Variants in RBM33 observed in about 807,000 individuals in gnomAD.
The protein encoded by RBM33 is RNA binding motif protein 33.
In RBM33, 28 loss-of-function variants were observed where a neutral mutation model predicts 132.6. The ratio of observed to expected loss-of-function variants is 0.21; its 90% CI spans 0.16 to 0.29. The LOEUF (loss-of-function observed/expected upper bound fraction) is 0.29, where lower values mean the gene tolerates loss of function less well. Among genes scored for constraint, RBM33 ranks in the 10% least tolerant of loss-of-function variants. The pLI is 1.00. For missense variants in RBM33, 1,291 were observed against 1,518.5 expected (o/e 0.85, Z 2.49); for synonymous variants, 634 against 593.0 (o/e 1.07, Z -1.01).
At chr7:155,666,758 A>G (rs1037916657) in intron 2 of RBM33, among the ~76,000 whole-genome samples, 2 of 152,080 alleles carry the variant, frequency 1.3e-5, no homozygotes, top group East Asian at 3.8e-4. Context: ...GGGACTGTTT[A>G]TATTATACTT....
In RBM33 at chr7:155,745,054, C is replaced by T. The variant is rs1049820319; in HGVS notation, c.2431C>T (p.Arg811Trp). ...AGAAATCCTGAAACAGAAGGAGTTACGGCGGCAGCAGCAGGCTGGTGCCAG... is the reference window on the plus strand; with the variant it reads ...AGAAATCCTGAAACAGAAGGAGTTATGGCGGCAGCAGCAGGCTGGTGCCAG... ...REEILKQKEL[R>W]RQQQAGARKK... The change falls in exon 14 of 18, where the codon CGG becomes TGG. Residue 811 changes from arginine to tryptophan, a missense_variant. Transcript: ENST00000401878. This position sits in a 1 kb window ranked among gnomAD's most constrained non-coding sequence, Gnocchi z 4.1. 6.2e-7 allele frequency: 1 copy of T among 1,609,280 alleles called. No individual in the cohort carries two copies. The highest frequency in any genetic ancestry group is 1.3e-5 in the African/African-American group (1 of 74,860).
At chr7:155,695,155 C>T (rs1799756105) in intron 5 of RBM33, among the ~76,000 whole-genome samples, 2 of 152,118 alleles carry the variant, frequency 1.3e-5, no homozygotes, top group South Asian at 2.1e-4. Flanking sequence ...ATTCCATGTG[C>T]GATTGGACTT....
intron 14 of RBM33, among the ~76,000 whole-genome samples, chr7:155,746,168 G>A (rs1801511010): frequency 1.3e-5 from 2 of 152,154 alleles, no homozygotes; most frequent in Non-Finnish European, 2.9e-5. Flanking sequence ...TCTTATTGTA[G>A]ATAATTTGTG....
intron 5 of RBM33, among the ~76,000 whole-genome samples, chr7:155,693,701 C>G (rs536142376): frequency 6.7e-6 from 1 of 150,034 alleles, no homozygotes; most frequent in South Asian, 2.1e-4. Flanking sequence ...ATGTGCTGGT[C>G]TTTTCCACTA....
chr7:155,689,257 CGTAGAGGTGTTTATA>C (rs1563145081), intron 5 of RBM33, among the ~76,000 whole-genome samples: 2 of 152,100 alleles, frequency 1.3e-5, no homozygotes. Context: ...AGTTTATTTG[CGTAGAGGTGTTTATA>C]GTATTCTCTG....
intron 1 of RBM33, among the ~76,000 whole-genome samples, chr7:155,656,566 A>T (rs920124086): frequency 6.6e-6 from 1 of 152,202 alleles, no homozygotes; most frequent in African/African-American, 2.4e-5. Flanking sequence ...CAAAAAACAT[A>T]TCGAGTGAGA....
At chr7:155,742,997 C>T (rs73167166) in intron 13 of RBM33, among the ~76,000 whole-genome samples, 2,815 of 152,300 alleles carry the variant, frequency 0.018, 45 homozygotes, top group Non-Finnish European at 0.028. Flanking sequence ...TTAGGCAAGT[C>T]ATGCTTTCTT....
chr7:155,697,483 A>G (rs547394750), intron 5 of RBM33, among the ~76,000 whole-genome samples: 1 of 152,246 alleles, frequency 6.6e-6, no homozygotes, highest in African/African-American at 2.4e-5. Flanking sequence ...TTATTTGATG[A>G]TGTATCAATA....
At position 155,778,656 on chromosome 7, in the gene RBM33, G is replaced by T. The variant is rs2117094731; in HGVS notation, c.*3615G>T. On this transcript the variant is annotated 3_prime_UTR_variant, in exon 18 of 18. Coordinates refer to ENST00000401878, the MANE Select transcript of RBM33 (RefSeq NM_053043.3). This position sits in a 1 kb window ranked among gnomAD's most constrained non-coding sequence, Gnocchi z 4.0. ...GTGGTGATCAGCTGGGACAGTTCAG[G>T]TAGGGCAGGTGAGGGACCCCCGAGG... is the stretch of plus-strand genomic sequence containing the variant. 1 of 152,450 alleles carries T rather than the reference G, an allele frequency of 6.6e-6. No homozygotes were observed. The highest frequency in any genetic ancestry group is 2.4e-5 in the African/African-American group (1 of 41,544). The allele number at this position is 152,450 out of a possible 1,614,324, so 9.4% of individuals were successfully genotyped here.
Position 155,774,943 on chromosome 7 carries a change from G to A in RBM33, c.3465-50G>A. The stretch of plus-strand genomic sequence containing the variant: ...TAGTTTCCTCCCACCTTGGTAGGTT[G>A]ATTGCCGATGTGCAGGGTTAGTGTC... On this transcript the variant is annotated intron_variant, in intron 17 of 17. Transcript: ENST00000401878. The surrounding 1 kb of genome is among the most constrained non-coding windows in gnomAD (Gnocchi z 4.2). 4 of 1,570,262 alleles carry A rather than the reference G, an allele frequency of 2.5e-6. No individual in the cohort carries two copies. The highest frequency in any genetic ancestry group is 3.5e-6 in the Non-Finnish European group (4 of 1,140,370).
chr7:155,728,359 C>G (rs1800853874), intron 9 of RBM33, among the ~76,000 whole-genome samples: 1 of 152,150 alleles, frequency 6.6e-6, no homozygotes, highest in African/African-American at 2.4e-5. Context: ...TTACCTCCCT[C>G]CTCACTGCCC....
intron 9 of RBM33, among the ~76,000 whole-genome samples, chr7:155,720,279 C>T (rs994819904): frequency 1.1e-4 from 17 of 152,190 alleles, no homozygotes; most frequent in Non-Finnish European, 1.9e-4. Flanking sequence ...TCCTTTAAGT[C>T]CCAAGTGCTG....
chr7:155,650,585 C>A lies in RBM33; in HGVS notation c.43+5666C>A, dbSNP rs145350087. 2.0e-4 allele frequency among the ~76,000 whole-genome samples: 31 copies of A among 152,164 alleles called. No homozygotes were observed. In the East Asian group the frequency reaches 4.6e-3, roughly 23 times the overall value. On this transcript the variant is annotated intron_variant, in intron 1 of 17. Transcript: ENST00000401878. ...GTATTTGTGTGTACATTTGTGCTAT[C>A]CTTTTATTTATGATATGTTGGTTTT...
In RBM33 at chr7:155,707,042, C is replaced by G; in HGVS notation, c.922C>G (p.Leu308Val). The change falls in exon 7 of 18, where the codon CTG (leucine) becomes GTG (valine). Residue 308 changes from leucine to valine, a missense_variant. This residue lies in a region of RBM33 where 146 missense variants were observed against 137.1 expected (regional missense o/e 1.07). Transcript: ENST00000401878. ...CAGGATGAAGGACCACAGACCTGCG[C>G]TGCTTCCTACACAGCCTCCTGTCGT... ...RGRMKDHRPALLPTQPPVVPQ... is the reference protein window; with the variant it reads ...RGRMKDHRPAVLPTQPPVVPQ... 1 of 1,560,026 alleles carries G rather than the reference C, an allele frequency of 6.4e-7. No homozygotes were observed. Among genetic ancestry groups the G allele is most frequent in the Non-Finnish European group, 8.7e-7 (1 of 1,152,188 alleles).
chr7:155,739,142 A>T (rs1217383108), intron 11 of RBM33: 1 of 152,274 alleles, frequency 6.6e-6, no homozygotes, highest in African/African-American at 2.4e-5. Flanking sequence ...TATTAAAAAA[A>T]TGCAATTAAT....
At position 155,741,883 on chromosome 7, in the gene RBM33, ACAG is replaced by A; in HGVS notation, c.2117_2119del (p.Ser706del). ...CAAATGCAGCCCACTGCGCCAAGGA[ACAG>A]CAATTTGCGTGAATTACCCATAGCG... On this transcript the variant is annotated inframe_deletion, in exon 13 of 18. Coordinates refer to ENST00000401878, the MANE Select transcript of RBM33 (RefSeq NM_053043.3). The A allele has an allele frequency of 6.2e-7, 1 of 1,614,036 alleles. No individual in the cohort carries two copies. Among genetic ancestry groups the A allele is most frequent in the Admixed American group, 1.7e-5 (1 of 60,030 alleles).
At position 155,724,993 on chromosome 7, in the gene RBM33, TGTGTGTGTGTGTG is replaced by T. The variant is rs1800744940; in HGVS notation, c.1260+6551_1260+6563del. On this transcript the variant is annotated intron_variant, in intron 9 of 17. Coordinates refer to ENST00000401878, the MANE Select transcript of RBM33 (RefSeq NM_053043.3). ...CTGTAAACATTTGTGTACAGGTTTG[TGTGTGTGTGTGTG>T]TGTGTGTGTGTGTGTGTGTGTGTGT... is the stretch of plus-strand genomic sequence containing the variant. Among the ~76,000 whole-genome samples, 521 of 94,928 alleles carry T rather than the reference TGTGTGTGTGTGTG, an allele frequency of 5.5e-3. 11 individuals are homozygous for T. Among genetic ancestry groups the T allele is most frequent in the African/African-American group, 0.016 (400 of 24,814 alleles). The allele number at this position is 94,928 out of a possible 152,430, so 62.3% of individuals were successfully genotyped here.
intron 9 of RBM33, among the ~76,000 whole-genome samples, chr7:155,736,481 T>C: frequency 6.6e-6 from 1 of 152,340 alleles, no homozygotes; most frequent in African/African-American, 2.4e-5. Context: ...TACGGTGGTT[T>C]AAAAAAATCT....
chr7:155,753,632 A>G (rs139848027), intron 14 of RBM33, among the ~76,000 whole-genome samples: 2 of 152,362 alleles, frequency 1.3e-5, no homozygotes, highest in African/African-American at 4.8e-5. Flanking sequence ...TGAGAAGGGC[A>G]GAGCTGCAGG....
Sources: gnomAD v4.1 joint callset for allele counts (sites outside exome capture counted in the v4.1 genomes callset) on GRCh38, gnomAD v4.1.1 for gene constraint, gnomAD v4.1.1 regional missense constraint, Gnocchi (gnomAD v3.1) non-coding constraint, MANE v1.5 for transcripts, NCBI Gene and HGNC (gene_info 2026-07-23, HGNC 2026-07-21) for gene names.